Variants in TNRC6A observed in about 807,000 individuals in gnomAD.
The protein encoded by TNRC6A is trinucleotide repeat containing adaptor 6A.
In TNRC6A, 44 loss-of-function variants were observed where a neutral mutation model predicts 221.2. That is an observed-to-expected ratio of 0.20 (90% confidence interval 0.16 to 0.26). TNRC6A has a LOEUF of 0.26. Ranked by LOEUF, TNRC6A falls within the 10% of genes least tolerant of loss-of-function variation. TNRC6A has a pLI of 1.00. For synonymous variants in TNRC6A, 847 were observed against 838.5 expected, an observed-to-expected ratio of 1.01 and a Z score of -0.18; for missense variants, 2,199 against 2,404.4, an observed-to-expected ratio of 0.91 and a Z score of 1.79.
At chr16:24,753,077 T>A (rs1213367806) in intron 3 of TNRC6A, among the ~76,000 whole-genome samples, 2 of 152,212 alleles carry the variant, frequency 1.3e-5, no homozygotes, top group East Asian at 3.8e-4. Flanking sequence ...TAATCAAATC[T>A]CTAAATCACC....
chr16:24,664,802 C>CAT, intron 2 of TNRC6A: 1 of 431,416 alleles, frequency 2.3e-6, no homozygotes, highest in South Asian at 1.7e-5. Context: ...CACACACACA[C>CAT]ACACACACAC....
intron 3 of TNRC6A, among the ~76,000 whole-genome samples, chr16:24,755,765 G>A (rs75063488): frequency 0.014 from 2,159 of 152,280 alleles, 68 homozygotes; most frequent in African/African-American, 0.05. Context: ...GAAGGAGGCA[G>A]TTGTGATCAT....
chr16:24,651,513 G>C (rs976328281), intron 2 of TNRC6A, among the ~76,000 whole-genome samples: 2 of 136,606 alleles, frequency 1.5e-5, no homozygotes, highest in Non-Finnish European at 3.1e-5. Flanking sequence ...ACTCCAACCT[G>C]GGCAACAAGA....
At chr16:24,612,592 CAAA>C (rs113914907) in intron 1 of TNRC6A, among the ~76,000 whole-genome samples, 1 of 125,736 alleles carries the variant, frequency 8.0e-6, no homozygotes, top group African/African-American at 2.9e-5. Context: ...ACAAAAAATA[CAAA>C]AAAAAAAAAA....
chr16:24,745,241 C>T (rs746742984), intron 2 of TNRC6A, among the ~76,000 whole-genome samples: 65 of 152,176 alleles, frequency 4.3e-4, no homozygotes, highest in African/African-American at 1.5e-3. Flanking sequence ...AACTTCCTTA[C>T]CTATTTTTGC....
At position 24,791,493 on chromosome 16, in the gene TNRC6A, G is replaced by A. The variant is rs753793095; in HGVS notation, c.2851G>A (p.Asp951Asn). 1.0e-5 allele frequency: 16 copies of A among 1,532,212 alleles called. No homozygotes were observed. The highest frequency in any genetic ancestry group is 1.4e-5 in the Non-Finnish European group (16 of 1,143,692). 94.9% of individuals were successfully genotyped at this position (1,532,212 alleles called of 1,614,324 possible). Residue 951 changes from aspartate to asparagine, a missense_variant, in exon 6 of 25, where the codon GAC becomes AAC. Physicochemically the swap from Asp to Asn is conservative, Grantham distance 23. Around this residue, in one of 8 missense-constraint regions of TNRC6A, gnomAD observed 1,405 missense variants for 1,400.2 expected, o/e 1.00. Coordinates refer to ENST00000395799, the MANE Select transcript of TNRC6A (RefSeq NM_014494.4). ...VSSPDWNKQQ[D>N]IVGSWGIPPA... ...CTCTCCAGACTGGAACAAGCAACAA[G>A]ACATTGTTGGATCTTGGGGAATCCC...
intron 2 of TNRC6A, among the ~76,000 whole-genome samples, chr16:24,682,230 AT>A (rs35017542): frequency 0.25 from 37,301 of 146,986 alleles, 4,905 homozygotes; most frequent in Non-Finnish European, 0.32. Context: ...GACTTGTTTG[AT>A]TTTTTTTTTT....
At chr16:24,753,750 C>A (rs2057188195) in intron 3 of TNRC6A, among the ~76,000 whole-genome samples, 1 of 152,156 alleles carries the variant, frequency 6.6e-6, no homozygotes, top group African/African-American at 2.4e-5. Flanking sequence ...AATGTTGGCA[C>A]ATAAACTCAC....
chr16:24,668,839 T>A (rs2055229429), intron 2 of TNRC6A, among the ~76,000 whole-genome samples: 1 of 152,220 alleles, frequency 6.6e-6, no homozygotes, highest in Admixed American at 6.6e-5. Flanking sequence ...AAGTTTCATT[T>A]TGTGCTAGTG....
chr16:24,805,789 C>T, intron 15 of TNRC6A, 56 bp downstream of exon 15: 1 of 1,608,026 alleles, frequency 6.2e-7, no homozygotes, highest in Non-Finnish European at 8.5e-7. Context: ...TACTGTATGC[C>T]AAACACTAGA....
chr16:24,619,663 G>T (rs1900560732), intron 1 of TNRC6A, among the ~76,000 whole-genome samples: 1 of 152,198 alleles, frequency 6.6e-6, no homozygotes, highest in South Asian at 2.1e-4. Flanking sequence ...TGCACTGGAA[G>T]ATGAAGGGTG....
chr16:24,657,317 C>CAAAAAAAAAAAAAAAAAAAAAAAAA (rs56241898), intron 2 of TNRC6A, among the ~76,000 whole-genome samples: 2 of 88,170 alleles, frequency 2.3e-5, no homozygotes, highest in African/African-American at 5.1e-5. Context: ...GACCCTATCT[C>CAAAAAAAAAAAAAAAAAAAAAAAAA]AAAAAAAAAA....
Position 24,791,028 on chromosome 16 carries a change from A to G in TNRC6A, c.2386A>G (p.Lys796Glu). Residue 796 changes from lysine to glutamate, a missense_variant, in exon 6 of 25, where the codon AAA (lysine) becomes GAA (glutamate). Around this residue, in one of 8 missense-constraint regions of TNRC6A, gnomAD observed 1,405 missense variants for 1,400.2 expected, o/e 1.00. Coordinates refer to ENST00000395799, the MANE Select transcript of TNRC6A (RefSeq NM_014494.4). ...PKPALRWGDS[K>E]GSNCQGGWED... is the part of the protein sequence containing the mutation. Reference sequence around the variant, plus strand: ...ACCTGCTCTGAGGTGGGGAGATTCCAAAGGCTCAAACTGCCAGGGGGGGTG... The same window carrying G: ...ACCTGCTCTGAGGTGGGGAGATTCCGAAGGCTCAAACTGCCAGGGGGGGTG... 1.9e-6 allele frequency: 3 copies of G among 1,591,576 alleles called. No homozygotes were observed. The highest frequency in any genetic ancestry group is 2.6e-6 in the Non-Finnish European group (3 of 1,168,722).
intron 2 of TNRC6A, among the ~76,000 whole-genome samples, chr16:24,679,511 C>G (rs2055489076): frequency 6.6e-6 from 1 of 151,068 alleles, no homozygotes; most frequent in Admixed American, 6.6e-5. Context: ...GAGTCTTGCT[C>G]TGTCGCCCAG....
At chr16:24,765,399 C>T (rs2057451742) in intron 4 of TNRC6A, among the ~76,000 whole-genome samples, 2 of 152,128 alleles carry the variant, frequency 1.3e-5, no homozygotes, top group South Asian at 4.2e-4. Context: ...TCTAGTCACC[C>T]CATCTCCCCA....
At chr16:24,655,455 A>G (rs2054890237) in intron 2 of TNRC6A, among the ~76,000 whole-genome samples, 2 of 152,182 alleles carry the variant, frequency 1.3e-5, no homozygotes, top group Non-Finnish European at 2.9e-5. Flanking sequence ...TTGGGAGGCC[A>G]AGGCGTGTGG....
At chr16:24,750,844 C>T in intron 3 of TNRC6A, 31 bp downstream of exon 3, 1 of 1,434,722 alleles carries the variant, frequency 7.0e-7, no homozygotes, top group African/African-American at 1.5e-5. Context: ...TTATATTAAG[C>T]AGTTTAAACA....
At chr16:24,766,310 A>G (rs963840302) in intron 4 of TNRC6A, among the ~76,000 whole-genome samples, 4 of 152,214 alleles carry the variant, frequency 2.6e-5, no homozygotes, top group Non-Finnish European at 5.9e-5. Flanking sequence ...TGGACTCACA[A>G]AGAGAATAAA....
intron 1 of TNRC6A, among the ~76,000 whole-genome samples, chr16:24,635,243 T>C (rs565360850): frequency 1.3e-5 from 2 of 151,828 alleles, no homozygotes; most frequent in African/African-American, 4.8e-5. Context: ...TGGATTGTTT[T>C]ACTTCTTATT....
Sources: allele counts gnomAD v4.1 joint callset (sites outside exome capture counted in the v4.1 genomes callset), GRCh38; gene constraint gnomAD v4.1.1; regional missense constraint gnomAD v4.1.1; transcripts MANE v1.5; gene names NCBI Gene and HGNC (gene_info 2026-07-23, HGNC 2026-07-21).